AFF1: variants seen among roughly 807,000 people sequenced by gnomAD.
AFF1 encodes the protein ALF transcription elongation factor 1.
A neutral mutation model predicts 121.7 loss-of-function variants in AFF1; 48 were observed. That is an observed-to-expected ratio of 0.39 (90% CI 0.31 to 0.50). The LOEUF (loss-of-function observed/expected upper bound fraction) is 0.50. Among genes scored for constraint, AFF1 ranks in the 20% least tolerant of loss-of-function variants. The pLI is 0.76. For missense variants in AFF1, 1,523 were observed against 1,511.7 expected (o/e 1.01, Z -0.12); for synonymous variants, 613 against 563.0 (o/e 1.09, Z -1.26).
At chr4:87,106,906 T>C (rs1162908949) in intron 10 of AFF1, among the ~76,000 whole-genome samples, 1 of 152,232 alleles carries the variant, frequency 6.6e-6, no homozygotes, top group Non-Finnish European at 1.5e-5. Flanking sequence ...TGTTCAATTA[T>C]ATCTTATTTT....
intron 16 of AFF1, among the ~76,000 whole-genome samples, chr4:87,129,847 T>A (rs1268717288): frequency 6.6e-6 from 1 of 152,206 alleles, no homozygotes; most frequent in Admixed American, 6.5e-5. Context: ...AAGCGTTGTT[T>A]CTGCCCTGTG....
chr4:86,954,728 C>CA (rs1291421933), intron 2 of AFF1, among the ~76,000 whole-genome samples: 4 of 151,834 alleles, frequency 2.6e-5, no homozygotes, highest in Admixed American at 6.6e-5. Flanking sequence ...GACCCTGTCT[C>CA]AAAAAAATCT....
chr4:86,983,583 G>A (rs1186050488), intron 2 of AFF1, among the ~76,000 whole-genome samples: 1 of 151,764 alleles, frequency 6.6e-6, no homozygotes, highest in East Asian at 1.9e-4. Flanking sequence ...AAATTAGCTG[G>A]GCATGGTGGT....
chr4:87,097,543 T>G (rs1724992994), intron 8 of AFF1, among the ~76,000 whole-genome samples: 1 of 152,226 alleles, frequency 6.6e-6, no homozygotes, highest in Non-Finnish European at 1.5e-5. Context: ...GTTTGCTTTA[T>G]AAAAACTATT....
chr4:87,001,814 C>A (rs982682635), intron 2 of AFF1, among the ~76,000 whole-genome samples: 48 of 152,138 alleles, frequency 3.2e-4, no homozygotes, highest in Admixed American at 3.9e-4. Context: ...TGTTTTTATT[C>A]TCCTCCATTA....
At chr4:87,087,910 G>C (rs1723896879) in intron 5 of AFF1, among the ~76,000 whole-genome samples, 1 of 152,178 alleles carries the variant, frequency 6.6e-6, no homozygotes, top group Non-Finnish European at 1.5e-5. Context: ...GTGCCTTAAA[G>C]TATTACCAAG....
chr4:86,957,860 C>T (rs1299963093), intron 2 of AFF1, among the ~76,000 whole-genome samples: 2 of 151,878 alleles, frequency 1.3e-5, no homozygotes, highest in Admixed American at 1.3e-4. Flanking sequence ...CTGCGCCTAG[C>T]CTGATTTTGC....
intron 7 of AFF1, among the ~76,000 whole-genome samples, chr4:87,092,913 A>G (rs1420881714): frequency 8.5e-5 from 13 of 152,126 alleles, no homozygotes; most frequent in Non-Finnish European, 1.9e-4. Context: ...GTCTGAAGGC[A>G]GAACACCAGC....
intron 12 of AFF1, among the ~76,000 whole-genome samples, chr4:87,122,124 A>G (rs1412071380): frequency 2.0e-5 from 3 of 152,194 alleles, no homozygotes; most frequent in African/African-American, 4.8e-5. Flanking sequence ...CCTAATGTTC[A>G]ATTTAGTATC....
At chr4:87,132,678 TTTTGTTTGTTTC>T (rs2149802852) in intron 19 of AFF1, among the ~76,000 whole-genome samples, 1 of 152,230 alleles carries the variant, frequency 6.6e-6, no homozygotes, top group Admixed American at 6.5e-5. Flanking sequence ...GCTTTGAGGT[TTTTGTTTGTTTC>T]TTTGTTTGTT....
intron 2 of AFF1, among the ~76,000 whole-genome samples, chr4:87,001,247 TCGCTCTGTCACCAGG>T (rs2149520688): frequency 1.6e-5 from 2 of 126,050 alleles, no homozygotes; most frequent in East Asian, 5.0e-4. Context: ...TGACGGCGTC[TCGCTCTGTCACCAGG>T]CTGGAGTGCA....
intron 2 of AFF1, among the ~76,000 whole-genome samples, chr4:86,999,397 C>T (rs1725506554): frequency 6.6e-6 from 1 of 152,150 alleles, no homozygotes; most frequent in Non-Finnish European, 1.5e-5. Context: ...GAAACCACCC[C>T]TTACAGACCC....
chr4:87,017,600 C>T (rs1478123185), intron 2 of AFF1, among the ~76,000 whole-genome samples: 1 of 152,174 alleles, frequency 6.6e-6, no homozygotes, highest in Non-Finnish European at 1.5e-5. Context: ...AGTAGAAATC[C>T]TTTATTTTAT....
rs371354833 is a variant in AFF1 at position 87,086,999 on chromosome 4, G to C, written c.1104+2835G>C. 3.9e-5 allele frequency among the ~76,000 whole-genome samples: 6 copies of C among 152,246 alleles called. No homozygotes were observed. In the East Asian group the frequency reaches 9.6e-4, roughly 24 times the overall value. On this transcript the variant is annotated intron_variant, in intron 5 of 20. Transcript: ENST00000395146. ...AGAAGATAGCAGACATACACTGTTAGTTTTCAGGGAATGGTCATGCACTAG... is the reference window on the plus strand; with the variant it reads ...AGAAGATAGCAGACATACACTGTTACTTTTCAGGGAATGGTCATGCACTAG...
chr4:87,038,806 G>A (rs1319454885), intron 2 of AFF1, among the ~76,000 whole-genome samples: 2 of 152,292 alleles, frequency 1.3e-5, no homozygotes, highest in East Asian at 1.9e-4. Flanking sequence ...CCTGCCAGAT[G>A]TCTCCATCCT....
rs779540137 is a variant in AFF1, at chr4:87,105,790, C to CTTA, written c.1339-15_1339-13dup. 3.1e-6 allele frequency: 5 copies of CTTA among 1,614,124 alleles called. No homozygotes were observed. Among genetic ancestry groups the CTTA allele is most frequent in the Admixed American group, 3.3e-5 (2 of 60,020 alleles). On this transcript the variant is annotated splice_polypyrimidine_tract_variant and intron_variant, in intron 9 of 20. Coordinates refer to ENST00000395146, the MANE Select transcript of AFF1 (RefSeq NM_001166693.3). The stretch of plus-strand genomic sequence containing the variant: ...TGTTCTTTTCCTGGTCTTTCTTCCC[C>CTTA]TTATTGTGAATGCCTAGACCCCAGA...
intron 2 of AFF1, among the ~76,000 whole-genome samples, chr4:86,971,376 G>A (rs1180174843): frequency 6.6e-6 from 1 of 152,166 alleles, no homozygotes; most frequent in East Asian, 1.9e-4. Flanking sequence ...TGAAGATGAT[G>A]CCTCTGATTT....
intron 2 of AFF1, among the ~76,000 whole-genome samples, chr4:86,972,582 GGCTGGAGT>G (rs1159040186): frequency 6.6e-6 from 1 of 152,154 alleles, no homozygotes; most frequent in East Asian, 1.9e-4. Flanking sequence ...GTATTGCCCA[GGCTGGAGT>G]GCTATGGTGT....
At chr4:87,003,804 CTT>C (rs1284334014) in intron 2 of AFF1, among the ~76,000 whole-genome samples, 7 of 152,140 alleles carry the variant, frequency 4.6e-5, no homozygotes, top group Admixed American at 3.9e-4. Context: ...TGAGAGTAGA[CTT>C]TTGCCTGGTT....
Sources: gnomAD v4.1 joint callset for allele counts (sites outside exome capture counted in the v4.1 genomes callset) on GRCh38, gnomAD v4.1.1 for gene constraint, MANE v1.5 for transcripts, NCBI Gene and HGNC (gene_info 2026-07-23, HGNC 2026-07-21) for gene names.